The following SEMA3C variants were observed in gnomAD, a reference collection of about 807,000 sequenced individuals.
SEMA3C encodes the protein semaphorin-3C.
A neutral mutation model predicts 89.4 loss-of-function variants in SEMA3C; 47 were observed. The ratio of observed to expected loss-of-function variants is 0.53; its 90% CI spans 0.42 to 0.67. The LOEUF (loss-of-function observed/expected upper bound fraction) is 0.67, where lower values mean the gene tolerates loss of function less well. Among genes scored for constraint, SEMA3C ranks in the 30% least tolerant of loss-of-function variants. The pLI, the probability that SEMA3C is intolerant of heterozygous loss-of-function variation, is 0.00. For synonymous variants in SEMA3C, 310 were observed against 320.2 expected (o/e 0.97, Z 0.34); for missense variants, 839 against 929.1 (o/e 0.90, Z 1.26).
chr7:80,881,182 CA>C (rs1791330535), intron 2 of SEMA3C, among the ~76,000 whole-genome samples: 1 of 150,562 alleles, frequency 6.6e-6, no homozygotes. Context: ...CACACACACA[CA>C]CACACACACA....
intron 9 of SEMA3C, 133 bp downstream of exon 9, chr7:80,802,532 G>C: frequency 1.7e-6 from 1 of 575,692 alleles, no homozygotes; most frequent in South Asian, 2.6e-5. Context: ...ACAGTATCTA[G>C]ATAATTATTT....
At chr7:80,754,968 T>TG (rs1788032103) in intron 15 of SEMA3C, among the ~76,000 whole-genome samples, 1 of 7,754 alleles carries the variant, frequency 1.3e-4, no homozygotes, top group Non-Finnish European at 4.6e-4. Flanking sequence ...TTTTTTTTTT[T>TG]TTTGTATTTT....
intron 13 of SEMA3C, among the ~76,000 whole-genome samples, chr7:80,762,770 G>A (rs1788214522): frequency 1.3e-5 from 2 of 152,044 alleles, no homozygotes; most frequent in Admixed American, 1.3e-4. Flanking sequence ...CCAAGACTGT[G>A]CCACGGCACT....
At chr7:80,864,099 G>A (rs975344660) in intron 2 of SEMA3C, among the ~76,000 whole-genome samples, 1 of 151,918 alleles carries the variant, frequency 6.6e-6, no homozygotes, top group Non-Finnish European at 1.5e-5. Context: ...GCAGCAACCT[G>A]GATGAGACTG....
chr7:80,787,390 T>TAA (rs1179102219), intron 12 of SEMA3C, among the ~76,000 whole-genome samples: 24 of 99,892 alleles, frequency 2.4e-4, no homozygotes, highest in African/African-American at 5.5e-4. Flanking sequence ...AGACTCCGTT[T>TAA]AAAAAAAAAA....
At chr7:80,831,659 T>A (rs1311593988) in intron 2 of SEMA3C, among the ~76,000 whole-genome samples, 1 of 152,172 alleles carries the variant, frequency 6.6e-6, no homozygotes, top group Non-Finnish European at 1.5e-5. Flanking sequence ...TTAAAGTATA[T>A]AAGCTGAAAA....
intron 2 of SEMA3C, among the ~76,000 whole-genome samples, chr7:80,890,770 T>C (rs1416975679): frequency 6.6e-6 from 1 of 152,226 alleles, no homozygotes; most frequent in African/African-American, 2.4e-5. Context: ...AATATGATAT[T>C]ATTTGCATAT....
chr7:80,916,681 T>A lies in SEMA3C; in HGVS notation c.101A>T (p.Asp34Val). 1 of 1,610,786 alleles carries A rather than the reference T, an allele frequency of 6.2e-7. No individual in the cohort carries two copies. The change falls in exon 2 of 18, where the codon GAT (aspartate) becomes GTT (valine). Residue 34 changes from aspartate (D) to valine (V), a missense_variant and splice_region_variant. Asp to Val is a radical substitution (Grantham distance 152). Transcript: ENST00000265361. ...QPQARVYLTF[D>V]ELRETKTSEY... ...AGAGTGTTTATCAACTCTCTTACCA[T>A]CAAATGTTAAATAAACTCTTGCTTG...
chr7:80,828,867 G>T (rs1312074036), intron 2 of SEMA3C, 122 bp from the exon 3 acceptor site: 4 of 757,026 alleles, frequency 5.3e-6, no homozygotes, highest in Admixed American at 5.8e-5. Context: ...TCTACAGTAA[G>T]AAATTAATTT....
At chr7:80,840,671 A>G (rs1270303536) in intron 2 of SEMA3C, among the ~76,000 whole-genome samples, 2 of 151,990 alleles carry the variant, frequency 1.3e-5, no homozygotes, top group Non-Finnish European at 2.9e-5. Context: ...TAAAAAGATG[A>G]CTCCAAAAAT....
intron 2 of SEMA3C, among the ~76,000 whole-genome samples, chr7:80,886,350 T>G (rs1791477153): frequency 6.6e-6 from 1 of 151,678 alleles, no homozygotes; most frequent in Admixed American, 6.6e-5. Flanking sequence ...CAACTGGAAA[T>G]TAAACTTTTT....
At chr7:80,850,651 T>C (rs780135746) in intron 2 of SEMA3C, among the ~76,000 whole-genome samples, 1 of 152,166 alleles carries the variant, frequency 6.6e-6, no homozygotes, top group Admixed American at 6.5e-5. Context: ...TCTAGACATA[T>C]TTTTCAGCCT....
At chr7:80,805,130 G>T (rs1318722113) in intron 7 of SEMA3C, among the ~76,000 whole-genome samples, 1 of 151,938 alleles carries the variant, frequency 6.6e-6, no homozygotes, top group Non-Finnish European at 1.5e-5. Context: ...GATTTCTACT[G>T]AATATTAGTC....
At chr7:80,864,405 T>A (rs1274275947) in intron 2 of SEMA3C, among the ~76,000 whole-genome samples, 3 of 151,930 alleles carry the variant, frequency 2.0e-5, no homozygotes, top group Admixed American at 1.3e-4. Flanking sequence ...ATAAAAAATA[T>A]AAAAAAGTAA....
chr7:80,759,818 C>A lies in SEMA3C; in HGVS notation c.1486-1330G>T, dbSNP rs181833100. On this transcript the variant is annotated intron_variant, in intron 14 of 17. Transcript: ENST00000265361. ...CATTCAAACTACAAGAAAACAACTG[C>A]GTGTTTTCACAATAACCATTTGTCC... Among the ~76,000 whole-genome samples, 7 of 152,222 alleles carry A rather than the reference C, an allele frequency of 4.6e-5. No individual in the cohort carries two copies. In the East Asian group the frequency reaches 1.4e-3, roughly 29 times the overall value.
chr7:80,883,157 T>A (rs1791392844), intron 2 of SEMA3C, among the ~76,000 whole-genome samples: 1 of 152,214 alleles, frequency 6.6e-6, no homozygotes, highest in Non-Finnish European at 1.5e-5. Flanking sequence ...AGCTATCCTA[T>A]ATGTGCTTTT....
intron 2 of SEMA3C, among the ~76,000 whole-genome samples, chr7:80,865,163 G>C (rs1790896517): frequency 6.6e-6 from 1 of 151,972 alleles, no homozygotes; most frequent in Non-Finnish European, 1.5e-5. Flanking sequence ...GTCTTAAAAA[G>C]GTCACTTAAA....
At chr7:80,820,444 A>G (rs1300533674) in intron 4 of SEMA3C, among the ~76,000 whole-genome samples, 1 of 152,100 alleles carries the variant, frequency 6.6e-6, no homozygotes, top group Non-Finnish European at 1.5e-5. Context: ...AGAAGTTAAA[A>G]TTAAAGTCAA....
In SEMA3C at chr7:80,800,747, G is replaced by A; in HGVS notation, c.986+10C>T. 1.3e-6 allele frequency: 2 copies of A among 1,496,392 alleles called. No individual in the cohort carries two copies. Among genetic ancestry groups the A allele is most frequent in the South Asian group, 1.3e-5 (1 of 79,488 alleles). The allele number at this position is 1,496,392 out of a possible 1,614,324, so 92.7% of individuals were successfully genotyped here. A position where few individuals can be genotyped will look rare whatever the true frequency, so the allele number is the denominator to read the frequency against. On this transcript the variant is annotated intron_variant, in intron 10 of 17. Transcript: ENST00000265361. Reference sequence around the variant, plus strand: ...GTTTAACTCATAAAATGTAACTGTTGAATAATTACCTTGATGTTGTAAAAA... The same window carrying A: ...GTTTAACTCATAAAATGTAACTGTTAAATAATTACCTTGATGTTGTAAAAA...
Sources: gnomAD v4.1 joint callset for allele counts (sites outside exome capture counted in the v4.1 genomes callset) on GRCh38, gnomAD v4.1.1 for gene constraint, MANE v1.5 for transcripts, NCBI Gene and HGNC (gene_info 2026-07-23, HGNC 2026-07-21) for gene names.